The following IRF2 variants were observed in gnomAD, a reference collection of about 807,000 sequenced individuals.
IRF2 encodes the protein interferon regulatory factor 2.
Under a neutral mutation model 40.6 loss-of-function variants are expected in IRF2, and 15 were observed. That is an observed-to-expected ratio of 0.37 (90% CI 0.25 to 0.57). The LOEUF (loss-of-function observed/expected upper bound fraction) is 0.57. Among genes scored for constraint, IRF2 ranks in the 20% least tolerant of loss-of-function variants. The pLI is 0.77. For synonymous variants in IRF2, 151 were observed against 165.5 expected (o/e 0.91, Z 0.67); for missense variants, 317 against 455.7 (o/e 0.70, Z 2.77).
At chr4:184,468,329 A>C (rs185960405) in intron 1 of IRF2, among the ~76,000 whole-genome samples, 58 of 152,232 alleles carry the variant, frequency 3.8e-4, no homozygotes, top group African/African-American at 1.3e-3. Flanking sequence ...TCTACTAAAA[A>C]TACAAAAATT....
intron 1 of IRF2, among the ~76,000 whole-genome samples, chr4:184,466,997 C>T (rs1040967779): frequency 3.3e-5 from 5 of 152,172 alleles, no homozygotes; most frequent in African/African-American, 1.2e-4. Context: ...ATGACCTAAA[C>T]GTTGTGATGC....
intron 1 of IRF2, among the ~76,000 whole-genome samples, chr4:184,458,312 C>A (rs927626872): frequency 2.0e-5 from 3 of 152,174 alleles, no homozygotes; most frequent in Admixed American, 6.5e-5. Flanking sequence ...TTTTCATGAC[C>A]AGGAATGGTT....
At chr4:184,404,115 G>C (rs1461825271) in intron 6 of IRF2, among the ~76,000 whole-genome samples, 1 of 152,200 alleles carries the variant, frequency 6.6e-6, no homozygotes, top group African/African-American at 2.4e-5. Context: ...TAGAAACAGA[G>C]GGGTCCTTGG....
intron 6 of IRF2, among the ~76,000 whole-genome samples, chr4:184,404,087 T>C (rs1736763847): frequency 6.6e-6 from 1 of 152,198 alleles, no homozygotes; most frequent in Non-Finnish European, 1.5e-5. Context: ...TCAGAGAAAG[T>C]GCTTAAAAGC....
At chr4:184,402,759 G>A (rs1175873920) in intron 6 of IRF2, among the ~76,000 whole-genome samples, 1 of 152,192 alleles carries the variant, frequency 6.6e-6, no homozygotes, top group Non-Finnish European at 1.5e-5. Flanking sequence ...TTTGGGAAGT[G>A]ATAAAGACAG....
At chr4:184,451,305 T>C (rs529733833) in intron 1 of IRF2, among the ~76,000 whole-genome samples, 22 of 152,330 alleles carry the variant, frequency 1.4e-4, no homozygotes, top group Non-Finnish European at 3.1e-4. Context: ...TTTATAAATA[T>C]ATACATGCAA....
At chr4:184,454,215 G>A (rs3756101) in intron 1 of IRF2, among the ~76,000 whole-genome samples, 50,927 of 152,014 alleles carry the variant, frequency 0.34, 10,425 homozygotes, top group Admixed American at 0.46. Flanking sequence ...TTCCTTTGAG[G>A]ATTTCCTTTA....
At chr4:184,407,064 A>G in intron 6 of IRF2, 1 of 527,514 alleles carries the variant, frequency 1.9e-6, no homozygotes, top group Non-Finnish European at 3.2e-6. Context: ...TGTTTTATCA[A>G]GAAACACAAC....
intron 2 of IRF2, 29 bp from the exon 3 acceptor site, chr4:184,419,597 AG>A: frequency 7.0e-7 from 1 of 1,418,886 alleles, no homozygotes; most frequent in Non-Finnish European, 9.8e-7. Flanking sequence ...AAAAAGGTAA[AG>A]AACTGGAGTC....
chr4:184,390,280 C>T (rs142381273), intron 8 of IRF2, among the ~76,000 whole-genome samples: 8 of 152,200 alleles, frequency 5.3e-5, no homozygotes, highest in Non-Finnish European at 1.2e-4. Flanking sequence ...GCACGGGTCA[C>T]AGCGGGAGGG....
intron 1 of IRF2, among the ~76,000 whole-genome samples, chr4:184,431,415 A>T (rs1561108206): frequency 6.6e-6 from 1 of 152,212 alleles, no homozygotes; most frequent in Non-Finnish European, 1.5e-5. Context: ...CATGAAGATG[A>T]TAAAGAGTTT....
chr4:184,421,255 C>T (rs1579836938), intron 2 of IRF2, among the ~76,000 whole-genome samples: 1 of 152,248 alleles, frequency 6.6e-6, no homozygotes, highest in South Asian at 2.1e-4. Flanking sequence ...TGGAGAGTTT[C>T]CCAAAACCTG....
chr4:184,414,577 T>C (rs554219353), intron 5 of IRF2, among the ~76,000 whole-genome samples: 1 of 152,222 alleles, frequency 6.6e-6, no homozygotes, highest in Non-Finnish European at 1.5e-5. Context: ...AAGGAAAACA[T>C]GGCTGACTGA....
At chr4:184,451,263 A>G (rs1366263262) in intron 1 of IRF2, among the ~76,000 whole-genome samples, 1 of 152,218 alleles carries the variant, frequency 6.6e-6, no homozygotes, top group Non-Finnish European at 1.5e-5. Context: ...AAGGTACTTA[A>G]ATCAGCTTCT....
At chr4:184,462,072 T>C (rs540673005) in intron 1 of IRF2, among the ~76,000 whole-genome samples, 1 of 152,274 alleles carries the variant, frequency 6.6e-6, no homozygotes, top group Admixed American at 6.5e-5. Context: ...AATCCCAGCA[T>C]CCTAAGAAAG....
chr4:184,446,879 C>A (rs943283814), intron 1 of IRF2, among the ~76,000 whole-genome samples: 1 of 152,104 alleles, frequency 6.6e-6, no homozygotes, highest in Non-Finnish European at 1.5e-5. Flanking sequence ...TTGCTTGAAC[C>A]CAGGAAGTGG....
intron 1 of IRF2, among the ~76,000 whole-genome samples, chr4:184,444,182 CT>C (rs1738417191): frequency 6.6e-6 from 1 of 152,142 alleles, no homozygotes; most frequent in Non-Finnish European, 1.5e-5. Flanking sequence ...TATCACTATA[CT>C]GTATATGAGA....
intron 1 of IRF2, among the ~76,000 whole-genome samples, chr4:184,465,104 A>C (rs1739275526): frequency 6.6e-6 from 1 of 152,200 alleles, no homozygotes; most frequent in Non-Finnish European, 1.5e-5. Context: ...AAAGAATGTT[A>C]ACTGTGAAGT....
At chr4:184,395,471 CCAAA>C (rs1736419655) in intron 7 of IRF2, among the ~76,000 whole-genome samples, 1 of 148,838 alleles carries the variant, frequency 6.7e-6, no homozygotes, top group Non-Finnish European at 1.5e-5. Context: ...GATGAACAGC[CCAAA>C]CAAAGGAACT....
Sources: allele counts gnomAD v4.1 joint callset (sites outside exome capture counted in the v4.1 genomes callset), GRCh38; gene constraint gnomAD v4.1.1; transcripts MANE v1.5; gene names NCBI Gene and HGNC (gene_info 2026-07-23, HGNC 2026-07-21).